Variants in ACSL5 observed in about 807,000 individuals in gnomAD.
ACSL5 encodes the protein acyl-CoA synthetase long chain family member 5, also known as long-chain-fatty-acid--CoA ligase 5.
A neutral mutation model predicts 84.9 loss-of-function variants in ACSL5; 50 were observed. The ratio of observed to expected loss-of-function variants is 0.59; its 90% CI spans 0.47 to 0.75. ACSL5 has a LOEUF of 0.75. Ranked by LOEUF, ACSL5 falls within the 30% of genes least tolerant of loss-of-function variation. ACSL5 has a pLI of 0.00. For missense variants in ACSL5, 775 were observed against 830.4 expected (o/e 0.93, Z 0.82); for synonymous variants, 280 against 300.7 (o/e 0.93, Z 0.71).
chr10:112,389,683 G>T (rs868169189), intron 1 of ACSL5, among the ~76,000 whole-genome samples: 2 of 152,184 alleles, frequency 1.3e-5, no homozygotes, highest in African/African-American at 4.8e-5. Context: ...CACACAGGAC[G>T]TGTGACAAAA....
At chr10:112,398,411 T>TC (rs1163994740) in intron 2 of ACSL5, among the ~76,000 whole-genome samples, 1 of 151,794 alleles carries the variant, frequency 6.6e-6, no homozygotes, top group African/African-American at 2.4e-5. Flanking sequence ...GTATTTTCTT[T>TC]TTTTTTTTTC....
At chr10:112,389,220 C>A in intron 1 of ACSL5, among the ~76,000 whole-genome samples, 1 of 152,236 alleles carries the variant, frequency 6.6e-6, no homozygotes, top group Admixed American at 6.5e-5. Context: ...GTCCAGGAAG[C>A]ATGCACAGAG....
chr10:112,426,733 A>C, intron 19 of ACSL5, 55 bp from the exon 20 acceptor site: 2 of 1,518,324 alleles, frequency 1.3e-6, no homozygotes, highest in South Asian at 2.3e-5. Context: ...GTTCATGCTT[A>C]GCCCTTCAGG....
Position 112,427,602 on chromosome 10 carries a change from A to G in ACSL5, c.*244A>G, listed in dbSNP as rs1809152195. ...AGGCTTCAGGGCTACTTTTATCAAC[A>G]TGCCTGTCTTCAAGATCCCAGTTTA... On this transcript the variant is annotated 3_prime_UTR_variant, in exon 21 of 21. Transcript: ENST00000354655. The G allele has an allele frequency of 3.4e-6, 1 of 292,766 alleles. No individual in the cohort carries two copies. Among genetic ancestry groups the G allele is most frequent in the South Asian group, 9.2e-5 (1 of 10,904 alleles). The allele number at this position is 292,766 out of a possible 1,614,324, so 18.1% of individuals were successfully genotyped here.
intron 3 of ACSL5, among the ~76,000 whole-genome samples, chr10:112,401,300 A>C (rs1011085257): frequency 6.6e-6 from 1 of 152,222 alleles, no homozygotes; most frequent in Non-Finnish European, 1.5e-5. Flanking sequence ...GTTTATCTTG[A>C]GACTCACTTG....
At chr10:112,417,648 G>A (rs1199530208) in intron 13 of ACSL5, among the ~76,000 whole-genome samples, 198 bp from the exon 14 acceptor site, 2 of 152,184 alleles carry the variant, frequency 1.3e-5, no homozygotes, top group African/African-American at 4.8e-5. Flanking sequence ...TATGGATAGT[G>A]ATGACAATAA....
At position 112,399,002 on chromosome 10, in the gene ACSL5, T is replaced by C. The variant is rs747081210; in HGVS notation, c.258T>C (p.Ala86=). Residue 86 remains alanine (A), a synonymous_variant, in exon 3 of 21, where the codon GCT becomes GCC. Transcript: ENST00000354655. The part of the protein sequence containing the change: ...TMYEVFQRGL[A]VSDNGPCLGY... ...ATGAGGTTTTCCAAAGAGGACTCGC[T>C]GTGTCTGGTAAGCCTGGTGGTCTGT... The C allele has an allele frequency of 6.2e-7, 1 of 1,613,368 alleles. No homozygotes were observed. The highest frequency in any genetic ancestry group is 1.1e-5 in the South Asian group (1 of 91,060).
chr10:112,402,355 A>T (rs986968311), intron 3 of ACSL5, among the ~76,000 whole-genome samples: 3 of 152,202 alleles, frequency 2.0e-5, no homozygotes, highest in Non-Finnish European at 4.4e-5. Flanking sequence ...AATTCTTAGT[A>T]CAATACAAAT....
chr10:112,410,378 C>T (rs185712702), intron 7 of ACSL5, 85 bp from the exon 8 acceptor site: 55 of 1,600,710 alleles, frequency 3.4e-5, no homozygotes, highest in East Asian at 3.4e-4. Context: ...GATGTTCTCA[C>T]GGGAAAGGGA....
intron 1 of ACSL5, among the ~76,000 whole-genome samples, chr10:112,375,736 A>G (rs1589665281): frequency 6.6e-6 from 1 of 152,198 alleles, no homozygotes; most frequent in South Asian, 2.1e-4. Context: ...GTGTGACTGT[A>G]TCAGAGGGAA....
intron 9 of ACSL5, 132 bp from the exon 10 acceptor site, chr10:112,411,324 C>CA: frequency 1.4e-6 from 1 of 731,216 alleles, no homozygotes; most frequent in Non-Finnish European, 2.3e-6. Context: ...ATACCATCCA[C>CA]AAAAAGACAC....
At chr10:112,379,580 G>A (rs1253537365) in intron 1 of ACSL5, among the ~76,000 whole-genome samples, 1 of 152,118 alleles carries the variant, frequency 6.6e-6, no homozygotes, top group Non-Finnish European at 1.5e-5. Context: ...GGAAAGGGGA[G>A]CTAGATTTGA....
At chr10:112,377,970 A>G (rs889726585) in intron 1 of ACSL5, among the ~76,000 whole-genome samples, 2 of 152,204 alleles carry the variant, frequency 1.3e-5, no homozygotes, top group African/African-American at 4.8e-5. Flanking sequence ...ACCAAACAGA[A>G]TATTTCAGCC....
chr10:112,409,416 T>C (rs751951360), intron 6 of ACSL5, 91 bp from the exon 7 acceptor site: 4 of 1,227,912 alleles, frequency 3.3e-6, no homozygotes, highest in Non-Finnish European at 4.6e-6. Flanking sequence ...CCTGTTAGCT[T>C]TGAAAACTTT....
At chr10:112,404,850 G>A in intron 5 of ACSL5, 44 bp downstream of exon 5, 1 of 1,523,932 alleles carries the variant, frequency 6.6e-7, no homozygotes. Context: ...TCAGGGTTAA[G>A]TTTAAAAACT....
At chr10:112,410,528 C>A (rs929115520) in intron 8 of ACSL5, 33 bp downstream of exon 8, 1 of 1,614,070 alleles carries the variant, frequency 6.2e-7, no homozygotes. Flanking sequence ...TTGAGCCTTG[C>A]CATAGTCAAC....
intron 1 of ACSL5, among the ~76,000 whole-genome samples, chr10:112,392,125 A>G (rs988084631): frequency 1.3e-5 from 2 of 152,188 alleles, no homozygotes; most frequent in African/African-American, 4.8e-5. Context: ...GTTGGTAAGG[A>G]TCTCTTAATT....
chr10:112,410,206 T>C (rs1231130505), intron 7 of ACSL5: 10 of 1,490,238 alleles, frequency 6.7e-6, no homozygotes, highest in Middle Eastern at 1.8e-4. Flanking sequence ...CCTAGATGAC[T>C]GAAACTTAAG....
At position 112,411,870 on chromosome 10, in the gene ACSL5, G is replaced by A. The variant is rs1236680264; in HGVS notation, c.871-32G>A. 4 of 1,584,702 alleles carry A rather than the reference G, an allele frequency of 2.5e-6. 1 individual carries two copies. The highest frequency in any genetic ancestry group is 2.7e-5 in the African/African-American group (2 of 74,344). ...AATTGAAAGTTGGCATTAATCTCAT[G>A]TTGCCTCCTCTTACTTCCCTGGCCT... On this transcript the variant is annotated intron_variant, in intron 10 of 20. Transcript: ENST00000354655.
Sources: gnomAD v4.1 joint callset for allele counts (sites outside exome capture counted in the v4.1 genomes callset) on GRCh38, gnomAD v4.1.1 for gene constraint, MANE v1.5 for transcripts, NCBI Gene and HGNC (gene_info 2026-07-23, HGNC 2026-07-21) for gene names.